EPB41L4A: variants seen among roughly 807,000 people sequenced by gnomAD.
EPB41L4A encodes band 4.1-like protein 4A.
A neutral mutation model predicts 108.6 loss-of-function variants in EPB41L4A; 100 were observed. That is an observed-to-expected ratio of 0.92 (90% CI 0.78 to 1.09). EPB41L4A has a LOEUF of 1.09. Among genes scored for constraint, EPB41L4A ranks in the 50% least tolerant of loss-of-function variants. The pLI is 0.00. For missense variants in EPB41L4A, 1,030 were observed against 842.7 expected (o/e 1.22, Z -2.75); for synonymous variants, 319 against 289.0 (o/e 1.10, Z -1.05).
At chr5:112,156,479 C>T (rs1166940571) in intron 12 of EPB41L4A, among the ~76,000 whole-genome samples, 2 of 150,370 alleles carry the variant, frequency 1.3e-5, no homozygotes, top group South Asian at 2.1e-4. Flanking sequence ...AGACAGCAAG[C>T]GAATCCTTTC....
downstream of EPB41L4A, chr5:112,161,751 C>CT (rs1262886590): frequency 4.7e-6 from 2 of 421,900 alleles, no homozygotes; most frequent in Admixed American, 5.5e-5. Context: ...TGAATACCAT[C>CT]TGGGAGCATA....
At chr5:112,172,926 G>A (rs1760666089) in intron 18 of EPB41L4A, among the ~76,000 whole-genome samples, 1 of 152,206 alleles carries the variant, frequency 6.6e-6, no homozygotes, top group Non-Finnish European at 1.5e-5. Context: ...GCAGGAGGCT[G>A]TCCTGTGCAT....
intron 17 of EPB41L4A, 151 bp downstream of exon 17, chr5:112,194,417 A>G (rs983981163): frequency 1.9e-6 from 1 of 520,734 alleles, no homozygotes; most frequent in Non-Finnish European, 3.4e-6. Flanking sequence ...TCAAAGAGCT[A>G]AAGTTTCCTA....
chr5:112,155,040 G>A (rs1759601732), intron 12 of EPB41L4A, among the ~76,000 whole-genome samples: 1 of 151,900 alleles, frequency 6.6e-6, no homozygotes, highest in African/African-American at 2.4e-5. Context: ...TGTCCATTAA[G>A]GAAACTGAAA....
Position 112,394,627 on chromosome 5 carries a change from G to T in EPB41L4A, c.99+24314C>A, listed in dbSNP as rs1375181155. Among the ~76,000 whole-genome samples the T allele has an allele frequency of 2.0e-5, 3 of 152,288 alleles. No homozygotes were observed. The East Asian group carries it at 5.8e-4, about 29-fold the overall frequency. On this transcript the variant is annotated intron_variant, in intron 1 of 22. Coordinates refer to ENST00000261486, the MANE Select transcript of EPB41L4A (RefSeq NM_022140.5). The stretch of plus-strand genomic sequence containing the variant: ...AATGGAAGAACATTCCATGCTCATG[G>T]ATAGGAAGAATCAATATTGTGAAAA...
intron 1 of EPB41L4A, among the ~76,000 whole-genome samples, chr5:112,326,335 A>T (rs976758453): frequency 8.5e-5 from 13 of 152,096 alleles, no homozygotes; most frequent in Non-Finnish European, 2.9e-5. Flanking sequence ...TAACTGCCAG[A>T]CCTACACACA....
Position 112,251,599 on chromosome 5 carries a change from G to C in EPB41L4A, c.795+7630C>G, listed in dbSNP as rs1750676135. Among the ~76,000 whole-genome samples the C allele has an allele frequency of 2.0e-5, 3 of 152,094 alleles. No homozygotes were observed. The South Asian group carries it at 6.2e-4, about 32-fold the overall frequency. ...AAAAAAATGCTTATCTTTACAAAAA[G>C]AAACACAGGGAGGATTAACCAGAAA... On this transcript the variant is annotated intron_variant, in intron 9 of 22. Coordinates refer to ENST00000261486, the MANE Select transcript of EPB41L4A (RefSeq NM_022140.5).
chr5:112,244,900 C>G (rs1750095881), intron 9 of EPB41L4A, among the ~76,000 whole-genome samples: 1 of 152,046 alleles, frequency 6.6e-6, no homozygotes, highest in South Asian at 2.1e-4. Context: ...CTACCTAATT[C>G]CTTCTTAGCT....
At chr5:112,179,768 T>C (rs1484183728) in intron 18 of EPB41L4A, among the ~76,000 whole-genome samples, 1 of 152,192 alleles carries the variant, frequency 6.6e-6, no homozygotes, top group Non-Finnish European at 1.5e-5. Flanking sequence ...TCTGCTTTCT[T>C]ACCACTTGTA....
chr5:112,311,995 G>C (rs1307551677), intron 1 of EPB41L4A, among the ~76,000 whole-genome samples: 1 of 152,184 alleles, frequency 6.6e-6, no homozygotes, highest in Non-Finnish European at 1.5e-5. Flanking sequence ...AATTATGCCT[G>C]AAATTACGTA....
At chr5:112,175,700 T>C (rs997483245) in intron 18 of EPB41L4A, among the ~76,000 whole-genome samples, 4 of 145,060 alleles carry the variant, frequency 2.8e-5, no homozygotes, top group African/African-American at 1.0e-4. Context: ...TTCTATATTA[T>C]GTATATATTA....
At chr5:112,360,930 C>T (rs997451562) in intron 1 of EPB41L4A, among the ~76,000 whole-genome samples, 3 of 152,054 alleles carry the variant, frequency 2.0e-5, no homozygotes, top group African/African-American at 7.2e-5. Context: ...GCCGCCACTC[C>T]GTCTGGGAGG....
At chr5:112,252,103 T>G (rs1401946766) in intron 9 of EPB41L4A, among the ~76,000 whole-genome samples, 1 of 152,098 alleles carries the variant, frequency 6.6e-6, no homozygotes, top group Non-Finnish European at 1.5e-5. Context: ...AGAAAGGACA[T>G]ACAAATATAA....
At chr5:112,248,478 A>G (rs926816935) in intron 9 of EPB41L4A, among the ~76,000 whole-genome samples, 1 of 152,212 alleles carries the variant, frequency 6.6e-6, no homozygotes, top group African/African-American at 2.4e-5. Flanking sequence ...AAGCAAAGCT[A>G]TTCTCTGAAT....
At chr5:112,190,501 G>A (rs1259012289) in intron 17 of EPB41L4A, among the ~76,000 whole-genome samples, 1 of 152,144 alleles carries the variant, frequency 6.6e-6, no homozygotes, top group Non-Finnish European at 1.5e-5. Flanking sequence ...TATAAAGTTA[G>A]GAAAGGTGGG....
intron 1 of EPB41L4A, among the ~76,000 whole-genome samples, chr5:112,351,102 C>T: frequency 6.6e-6 from 1 of 151,874 alleles, no homozygotes; most frequent in East Asian, 1.9e-4. Flanking sequence ...AAACGAAACC[C>T]AAAATGAGTC....
chr5:112,198,166 C>T lies in EPB41L4A; in HGVS notation c.1377-2458G>A, dbSNP rs117542068. On this transcript the variant is annotated intron_variant, in intron 15 of 22. Transcript: ENST00000261486. The stretch of plus-strand genomic sequence containing the variant: ...TTCCTGCCTCAGCCTCCACCAGTAG[C>T]TGGGATTACAGGCATGCACCACCAC... Among the ~76,000 whole-genome samples the T allele has an allele frequency of 3.3e-3, 507 of 152,200 alleles. 11 individuals are homozygous for T. The East Asian group carries it at 0.054, about 16-fold the overall frequency.
intron 1 of EPB41L4A, among the ~76,000 whole-genome samples, chr5:112,403,576 C>A (rs987884266): frequency 1.3e-5 from 2 of 152,156 alleles, no homozygotes; most frequent in African/African-American, 4.8e-5. Context: ...TCAAGTGATG[C>A]TCCCACCTCA....
At chr5:112,339,510 A>ATATC (rs1491378172) in intron 1 of EPB41L4A, among the ~76,000 whole-genome samples, 1 of 56,016 alleles carries the variant, frequency 1.8e-5, no homozygotes, top group African/African-American at 5.7e-5. Flanking sequence ...ATATATATAT[A>ATATC]GATATATAGA....
Sources: gnomAD v4.1 joint callset for allele counts (sites outside exome capture counted in the v4.1 genomes callset) on GRCh38, gnomAD v4.1.1 for gene constraint, MANE v1.5 for transcripts, NCBI Gene and HGNC (gene_info 2026-07-23, HGNC 2026-07-21) for gene names.